URI1: variants seen among roughly 807,000 people sequenced by gnomAD.
The protein encoded by URI1 is URI1 prefoldin like chaperone.
URI1 carries 39 observed loss-of-function variants against 60.2 expected under a neutral mutation model. The observed-to-expected ratio is 0.65, with a 90% CI of 0.50 to 0.85. URI1 has a LOEUF of 0.85. Among genes scored for constraint, URI1 ranks in the 40% least tolerant of loss-of-function variants. URI1 has a pLI of 0.00. For synonymous variants in URI1, 251 were observed against 236.8 expected, an observed-to-expected ratio of 1.06 and a Z score of -0.55; for missense variants, 691 against 665.9, an observed-to-expected ratio of 1.04 and a Z score of -0.42.
At chr19:29,991,110 C>A (rs1330879689) in intron 4 of URI1, among the ~76,000 whole-genome samples, 2 of 152,142 alleles carry the variant, frequency 1.3e-5, no homozygotes, top group Non-Finnish European at 2.9e-5. Context: ...TTTCCATATA[C>A]ATTTTAGAAA....
At chr19:29,943,162 C>T (rs751555601) in intron 1 of URI1, among the ~76,000 whole-genome samples, 1 of 152,054 alleles carries the variant, frequency 6.6e-6, no homozygotes, top group Non-Finnish European at 1.5e-5. Context: ...CCAGGCTAAT[C>T]TCGAACTTCT....
chr19:29,978,734 G>A (rs1250637827), intron 2 of URI1, among the ~76,000 whole-genome samples: 1 of 152,200 alleles, frequency 6.6e-6, no homozygotes, highest in Non-Finnish European at 1.5e-5. Flanking sequence ...GTGAAAAATG[G>A]AGGCATGCCT....
At chr19:30,012,739 G>C (rs766250390) in intron 10 of URI1, 2 of 540,838 alleles carry the variant, frequency 3.7e-6, no homozygotes, top group South Asian at 8.0e-5. Context: ...TTGTCTTAAC[G>C]TTCTATTTCA....
At chr19:29,988,167 C>CAAAAAA (rs34327695) in intron 4 of URI1, among the ~76,000 whole-genome samples, 1 of 140,514 alleles carries the variant, frequency 7.1e-6, no homozygotes. Flanking sequence ...AATTTTGTCT[C>CAAAAAA]AAAAAAAAAA....
chr19:29,940,087 A>G (rs1175574106), upstream of URI1, among the ~76,000 whole-genome samples: 1 of 152,228 alleles, frequency 6.6e-6, no homozygotes, highest in Non-Finnish European at 1.5e-5. Context: ...CTGGTCATTT[A>G]GAAAATTTAC....
At chr19:29,963,080 C>CT (rs1397118822) in intron 1 of URI1, among the ~76,000 whole-genome samples, 9 of 152,164 alleles carry the variant, frequency 5.9e-5, no homozygotes, top group Non-Finnish European at 1.2e-4. Context: ...TCACTGTTAA[C>CT]TATGTTGTGC....
chr19:29,948,938 C>T (rs973889099), intron 1 of URI1, among the ~76,000 whole-genome samples: 1 of 151,608 alleles, frequency 6.6e-6, no homozygotes, highest in Non-Finnish European at 1.5e-5. Context: ...CCCCCCACCT[C>T]CCAGACGGGA....
At chr19:30,001,499 A>G (rs1170792290) in intron 4 of URI1, among the ~76,000 whole-genome samples, 2 of 151,676 alleles carry the variant, frequency 1.3e-5, no homozygotes, top group African/African-American at 2.4e-5. Context: ...CCTATTCCCT[A>G]CCATCTCTAC....
Position 30,009,143 on chromosome 19 carries a change from A to T in URI1, c.825A>T (p.Ser275=), listed in dbSNP as rs776534524. The T allele has an allele frequency of 1.2e-6, 2 of 1,614,030 alleles. No individual in the cohort carries two copies. The highest frequency in any genetic ancestry group is 1.3e-5 in the African/African-American group (1 of 75,028). ...HTPCHKDVAS[S]EPFSGQVNSQ... is the part of the protein sequence containing the mutation. ...CTTGTCATAAGGATGTTGCAAGTTC[A>T]GAACCATTCAGTGGTCAAGTGAATA... is the stretch of plus-strand genomic sequence containing the variant. Residue 275 remains serine (S), a synonymous_variant, in exon 8 of 11, where the codon TCA becomes TCT. Coordinates refer to ENST00000392271, the MANE Select transcript of URI1 (RefSeq NM_003796.3).
Position 29,989,498 on chromosome 19 carries a change from A to T in URI1, c.367+3081A>T, listed in dbSNP as rs1158981701. Among the ~76,000 whole-genome samples the T allele has an allele frequency of 3.3e-5, 5 of 151,728 alleles. No homozygotes were observed. In the South Asian group the frequency reaches 1.0e-3, roughly 32 times the overall value. On this transcript the variant is annotated intron_variant, in intron 4 of 10. Coordinates refer to ENST00000392271, the MANE Select transcript of URI1 (RefSeq NM_003796.3). Reference sequence around the variant, plus strand: ...GAGTGCAGTGGCGCGATGTCAGTTCATCGCAACCTCCGCCTCCCGGGTTCA... The same window carrying T: ...GAGTGCAGTGGCGCGATGTCAGTTCTTCGCAACCTCCGCCTCCCGGGTTCA...
intron 1 of URI1, among the ~76,000 whole-genome samples, chr19:29,968,924 A>G (rs1015720015): frequency 4.8e-5 from 7 of 147,318 alleles, no homozygotes; most frequent in African/African-American, 1.7e-4. Flanking sequence ...GAAGACAACT[A>G]AAAAAAAAAC....
intron 4 of URI1, chr19:30,004,400 A>C (rs996336231): frequency 6.6e-6 from 1 of 151,964 alleles, no homozygotes; most frequent in African/African-American, 2.4e-5. Flanking sequence ...TCATTCTTTT[A>C]AAAGATATTT....
intron 1 of URI1, among the ~76,000 whole-genome samples, chr19:29,932,281 C>T (rs1031315455): frequency 2.9e-4 from 44 of 151,970 alleles, no homozygotes; most frequent in African/African-American, 8.2e-4. Flanking sequence ...AATGCTTTTT[C>T]GGCATCATTT....
chr19:29,998,376 T>G (rs2055838590), intron 4 of URI1, among the ~76,000 whole-genome samples: 1 of 152,174 alleles, frequency 6.6e-6, no homozygotes, highest in Admixed American at 6.5e-5. Flanking sequence ...ATGTTCTTTA[T>G]TTCCTTCTGG....
At chr19:29,967,137 A>G (rs777664287) in intron 1 of URI1, among the ~76,000 whole-genome samples, 2 of 152,208 alleles carry the variant, frequency 1.3e-5, no homozygotes, top group East Asian at 1.9e-4. Flanking sequence ...TTATAAAATA[A>G]TTTTTAAAAA....
chr19:30,012,207 T>C, intron 9 of URI1, 78 bp from the exon 10 acceptor site: 1 of 1,479,698 alleles, frequency 6.8e-7, no homozygotes, highest in Non-Finnish European at 9.0e-7. Context: ...TAGAATAGAT[T>C]CAAGGAAATT....
At chr19:29,925,097 A>C (rs1448305707) in intron 1 of URI1, among the ~76,000 whole-genome samples, 3 of 152,160 alleles carry the variant, frequency 2.0e-5, no homozygotes, top group Non-Finnish European at 4.4e-5. Flanking sequence ...TGGCCTCCCA[A>C]AGTGCTGGGA....
At chr19:29,977,181 A>G (rs551699359) in intron 2 of URI1, among the ~76,000 whole-genome samples, 2 of 148,392 alleles carry the variant, frequency 1.3e-5, no homozygotes, top group East Asian at 3.9e-4. Context: ...ATCAGTCGGG[A>G]TGGAGATACC....
chr19:29,953,691 G>T (rs1370408587), intron 1 of URI1, among the ~76,000 whole-genome samples: 2 of 147,176 alleles, frequency 1.4e-5, no homozygotes, highest in African/African-American at 2.5e-5. Context: ...TTTCTTATTA[G>T]TTTTTTTTTT....
Sources: allele counts gnomAD v4.1 joint callset (sites outside exome capture counted in the v4.1 genomes callset), GRCh38; gene constraint gnomAD v4.1.1; transcripts MANE v1.5; gene names NCBI Gene and HGNC (gene_info 2026-07-23, HGNC 2026-07-21).